Variants in RERE observed in about 807,000 individuals in gnomAD.
RERE encodes the protein arginine-glutamic acid dipeptide repeats.
Under a neutral mutation model 146.1 loss-of-function variants are expected in RERE, and 40 were observed. The ratio of observed to expected loss-of-function variants is 0.27; its 90% CI spans 0.21 to 0.36. RERE has a LOEUF of 0.36. RERE is among the 10% of genes least tolerant of loss of function. The pLI is 1.00. For synonymous variants in RERE, 1,003 were observed against 866.0 expected, an observed-to-expected ratio of 1.16 and a Z score of -2.78; for missense variants, 1,933 against 2,138.7, an observed-to-expected ratio of 0.90 and a Z score of 1.90.
chr1:8,681,705 A>G (rs938623697), intron 1 of RERE, among the ~76,000 whole-genome samples: 2 of 152,324 alleles, frequency 1.3e-5, no homozygotes, highest in South Asian at 4.1e-4. Flanking sequence ...AAATTTATCT[A>G]TAATACTAGA....
At chr1:8,711,187 A>AAG (rs1639661393) in intron 1 of RERE, among the ~76,000 whole-genome samples, 18 of 138,614 alleles carry the variant, frequency 1.3e-4, no homozygotes, top group African/African-American at 4.5e-4. Context: ...AAAAAAAAAA[A>AAG]GGGAGTGATA....
At chr1:8,409,982 T>A (rs1277769499) in intron 12 of RERE, among the ~76,000 whole-genome samples, 1 of 148,620 alleles carries the variant, frequency 6.7e-6, no homozygotes, top group African/African-American at 2.5e-5. Context: ...TTTTTTTTTT[T>A]TTTTTTTTTT....
At chr1:8,502,227 G>A (rs1390513632) in intron 8 of RERE, among the ~76,000 whole-genome samples, 1 of 107,004 alleles carries the variant, frequency 9.3e-6, no homozygotes, top group Non-Finnish European at 1.9e-5. Flanking sequence ...TCAGCCCCCC[G>A]CCTGGCCAGC....
rs137957533 is a variant in RERE at position 8,817,560 on chromosome 1, G to A, written c.-545C>T. The A allele has an allele frequency of 0.04, 5,909 of 149,204 alleles. 167 individuals carry two copies. Among genetic ancestry groups the A allele is most frequent in the Middle Eastern group, 0.06 (17 of 284 alleles). The allele number at this position is 149,204 out of a possible 1,614,324, so 9.2% of individuals were successfully genotyped here. The stretch of plus-strand genomic sequence containing the variant: ...AAGGACGGGGGAGGAGGCGGGGACC[G>A]AGGCCCAGCGGGGCGAGCGTCTCGG... On this transcript the variant is annotated 5_prime_UTR_variant, in exon 1 of 23. Transcript: ENST00000400908.
At chr1:8,547,464 T>C (rs1406500158) in intron 6 of RERE, among the ~76,000 whole-genome samples, 2 of 152,000 alleles carry the variant, frequency 1.3e-5, no homozygotes, top group Non-Finnish European at 2.9e-5. Context: ...CAAATAAAAT[T>C]AAATGAAAAC....
chr1:8,523,810 C>T (rs1197020076), intron 7 of RERE, among the ~76,000 whole-genome samples: 2 of 152,178 alleles, frequency 1.3e-5, no homozygotes, highest in African/African-American at 2.4e-5. Context: ...TTGTACTAGG[C>T]CCACACAGGC....
At chr1:8,515,491 C>T (rs575263110) in intron 7 of RERE, among the ~76,000 whole-genome samples, 6 of 152,098 alleles carry the variant, frequency 3.9e-5, no homozygotes, top group African/African-American at 1.4e-4. Flanking sequence ...CTTAGCCGGG[C>T]GTGGTGGCAG....
Position 8,377,465 on chromosome 1 carries a change from A to T in RERE, c.1285-11491T>A, listed in dbSNP as rs116692190. ...ATCACTTTTCTTTCCCACAAGCTGAACACTTCATTATTTCCTGAATTCATT... is the reference window on the plus strand; with the variant it reads ...ATCACTTTTCTTTCCCACAAGCTGATCACTTCATTATTTCCTGAATTCATT... On this transcript the variant is annotated intron_variant, in intron 12 of 22. Coordinates refer to ENST00000400908, the MANE Select transcript of RERE (RefSeq NM_001042681.2). Among the ~76,000 whole-genome samples the T allele has an allele frequency of 8.0e-3, 1,220 of 152,242 alleles. 13 individuals carry two copies. Among genetic ancestry groups the T allele is most frequent in the African/African-American group, 0.028 (1,163 of 41,530 alleles).
At chr1:8,513,920 AATGG>A (rs1408216370) in intron 7 of RERE, among the ~76,000 whole-genome samples, 2 of 152,216 alleles carry the variant, frequency 1.3e-5, no homozygotes, top group African/African-American at 4.8e-5. Context: ...CCTTTGAATG[AATGG>A]ATCTTCTACT....
chr1:8,455,613 T>C (rs1304703444), intron 11 of RERE, among the ~76,000 whole-genome samples: 3 of 152,188 alleles, frequency 2.0e-5, no homozygotes, highest in Non-Finnish European at 4.4e-5. Flanking sequence ...TAATTCTCCC[T>C]AGACGGTGGC....
intron 12 of RERE, among the ~76,000 whole-genome samples, chr1:8,392,312 T>C (rs1415429364): frequency 6.6e-6 from 1 of 152,052 alleles, no homozygotes; most frequent in Non-Finnish European, 1.5e-5. Flanking sequence ...AAATACACAA[T>C]TGAAAAAATA....
chr1:8,564,487 A>G (rs1570444295), intron 4 of RERE, among the ~76,000 whole-genome samples: 1 of 152,210 alleles, frequency 6.6e-6, no homozygotes, highest in African/African-American at 2.4e-5. Context: ...GTCAGCACTC[A>G]AAAAGTTATG....
intron 11 of RERE, among the ~76,000 whole-genome samples, chr1:8,449,148 G>A (rs1644361810): frequency 6.6e-6 from 1 of 152,174 alleles, no homozygotes; most frequent in Non-Finnish European, 1.5e-5. Context: ...GCTAACGGCA[G>A]GCAGAAACAT....
chr1:8,766,927 TAAGTAGAACTGG>T (rs2124539845), intron 1 of RERE, among the ~76,000 whole-genome samples: 1 of 152,296 alleles, frequency 6.6e-6, no homozygotes, highest in Non-Finnish European at 1.5e-5. Context: ...GTTATGTTTA[TAAGTAGAACTGG>T]ATATTTAAAC....
intron 6 of RERE, among the ~76,000 whole-genome samples, chr1:8,547,086 T>TA (rs1285005412): frequency 0.018 from 1,951 of 109,722 alleles, 16 homozygotes; most frequent in Middle Eastern, 0.064. Context: ...AGCTTTTTTT[T>TA]TAAAAAAAAA....
chr1:8,809,738 T>C (rs1641757522), intron 1 of RERE, among the ~76,000 whole-genome samples: 1 of 152,236 alleles, frequency 6.6e-6, no homozygotes, highest in South Asian at 2.1e-4. Flanking sequence ...TAATTTTAAG[T>C]GTGAACACAC....
At chr1:8,441,368 C>A (rs938562815) in intron 11 of RERE, among the ~76,000 whole-genome samples, 1 of 152,206 alleles carries the variant, frequency 6.6e-6, no homozygotes, top group Non-Finnish European at 1.5e-5. Flanking sequence ...CTTCTTCTAT[C>A]CCCACCACTG....
chr1:8,574,148 C>T (rs1356042642), intron 4 of RERE, among the ~76,000 whole-genome samples: 1 of 152,010 alleles, frequency 6.6e-6, no homozygotes, highest in African/African-American at 2.4e-5. Flanking sequence ...AAAATATTTT[C>T]TAATTTCCAC....
intron 4 of RERE, among the ~76,000 whole-genome samples, chr1:8,576,472 A>C (rs1224953912): frequency 6.6e-6 from 1 of 152,196 alleles, no homozygotes; most frequent in Non-Finnish European, 1.5e-5. Flanking sequence ...TTTAGTCCAT[A>C]ATAAAGATTA....
Sources: allele counts gnomAD v4.1 joint callset (sites outside exome capture counted in the v4.1 genomes callset), GRCh38; gene constraint gnomAD v4.1.1; transcripts MANE v1.5; gene names NCBI Gene and HGNC (gene_info 2026-07-23, HGNC 2026-07-21).